MKI67: variants seen among roughly 807,000 people sequenced by gnomAD.
MKI67 encodes marker of proliferation Ki-67, also known as proliferation marker protein Ki-67.
A neutral mutation model predicts 233.5 loss-of-function variants in MKI67; 152 were observed. The ratio of observed to expected loss-of-function variants is 0.65; its 90% confidence interval spans 0.57 to 0.74. The LOEUF (loss-of-function observed/expected upper bound fraction) is 0.74, where lower values mean the gene tolerates loss of function less well. Among genes scored for constraint, MKI67 ranks in the 30% least tolerant of loss-of-function variants. MKI67 has a pLI of 0.00. For synonymous variants in MKI67, 1,465 were observed against 1,418.5 expected (o/e 1.03, Z -0.74); for missense variants, 3,940 against 3,885.2 (o/e 1.01, Z -0.37).
rs1853032874 is a variant in MKI67, at chr10:128,125,357, G to T, written c.92+219C>A. On this transcript the variant is annotated intron_variant, in intron 2 of 14. Transcript: ENST00000368654. This position sits in a 1 kb window ranked among gnomAD's most constrained non-coding sequence, Gnocchi z 5.3. ...ATTAGCAAATCGATTTTTTTAATTG[G>T]CTTGATTTTTAAAACCACTTAAACA... is the stretch of plus-strand genomic sequence containing the variant. 6.6e-6 allele frequency among the ~76,000 whole-genome samples: 1 copy of T among 151,966 alleles called. No individual in the cohort carries two copies. Among genetic ancestry groups the T allele is most frequent in the Admixed American group, 6.6e-5 (1 of 15,250 alleles).
rs1852601018 is a variant in MKI67 at position 128,108,907 on chromosome 10, T to C, written c.2933A>G (p.Asp978Gly). 1.9e-6 allele frequency: 3 copies of C among 1,614,110 alleles called. No homozygotes were observed. Among genetic ancestry groups the C allele is most frequent in the Non-Finnish European group, 2.5e-6 (3 of 1,180,048 alleles). Residue 978 changes from aspartate (D) to glycine (G), a missense_variant, in exon 13 of 15, where the codon GAC becomes GGC. Asp to Gly is a moderately conservative substitution (Grantham distance 94). Transcript: ENST00000368654. The stretch of plus-strand genomic sequence containing the variant: ...GAGGAGATTCTGGCCACGTGCCGTG[T>C]CTTTCATGAGTTCTGTATCAGGCAA... Reference protein sequence around the residue: ...KSLPDTELMKDTARGQNLLQT... With the variant: ...KSLPDTELMKGTARGQNLLQT...
Position 128,108,568 on chromosome 10 carries a change from G to A in MKI67, c.3272C>T (p.Thr1091Met), listed in dbSNP as rs143952665. The A allele has an allele frequency of 2.7e-4, 437 of 1,614,172 alleles. 3 individuals are homozygous for A. Among genetic ancestry groups the A allele is most frequent in the South Asian group, 2.0e-3 (184 of 91,084 alleles). ...RVTGMKKWPRTPKEEAQSLED... is the reference protein window; with the variant it reads ...RVTGMKKWPRMPKEEAQSLED... Reference sequence around the variant, plus strand: ...TAGTGACTGGGCCTCTTCCTTAGGCGTTCTTGGCCACTTCTTCATTCCAGT... The same window carrying A: ...TAGTGACTGGGCCTCTTCCTTAGGCATTCTTGGCCACTTCTTCATTCCAGT... Residue 1091 changes from threonine to methionine, a missense_variant, in exon 13 of 15, where the codon ACG becomes ATG. Coordinates refer to ENST00000368654, the MANE Select transcript of MKI67 (RefSeq NM_002417.5).
intron 14 of MKI67, among the ~76,000 whole-genome samples, chr10:128,099,706 C>T (rs35324659): frequency 6.6e-6 from 1 of 152,208 alleles, no homozygotes; most frequent in African/African-American, 2.4e-5. Flanking sequence ...CAGTAGTTCT[C>T]ACCCCTTGGC....
In MKI67 at chr10:128,109,311, T is replaced by C; in HGVS notation, c.2529A>G (p.Lys843=). The C allele has an allele frequency of 5.0e-6, 8 of 1,614,180 alleles. No individual in the cohort carries two copies. Among genetic ancestry groups the C allele is most frequent in the Non-Finnish European group, 6.8e-6 (8 of 1,180,028 alleles). The stretch of plus-strand genomic sequence containing the variant: ...TCATTTTGTAGGTGTTCCTGGGCGT[T>C]TTTGCTACGTTTCCATTTTCTCTAA... The part of the protein sequence containing the change: ...QCIRENGNVA[K]TPRNTYKMTS... The change falls in exon 13 of 15, where the codon AAA becomes AAG. Residue 843 remains lysine (K), a synonymous_variant. Transcript: ENST00000368654.
intron 12 of MKI67, 85 bp from the exon 13 acceptor site, chr10:128,109,508 A>C (rs971263698): frequency 1.3e-5 from 18 of 1,438,686 alleles, no homozygotes; most frequent in Non-Finnish European, 4.7e-6. Flanking sequence ...TATGGTAAAA[A>C]ACTAAATATT....
At chr10:128,122,018 A>G (rs1168195393) in intron 4 of MKI67, among the ~76,000 whole-genome samples, 1 of 152,204 alleles carries the variant, frequency 6.6e-6, no homozygotes, top group Non-Finnish European at 1.5e-5. Context: ...AAAAGCCAAA[A>G]CGGTGGTTTA....
At position 128,115,443 on chromosome 10, in the gene MKI67, T is replaced by C. The variant is rs1852780452; in HGVS notation, c.965A>G (p.Asp322Gly). The C allele has an allele frequency of 9.9e-6, 16 of 1,613,778 alleles. No individual in the cohort carries two copies. The highest frequency in any genetic ancestry group is 1.4e-5 in the Non-Finnish European group (16 of 1,179,920). Residue 322 changes from aspartate to glycine, a missense_variant, in exon 7 of 15, where the codon GAC (aspartate) becomes GGC (glycine). Coordinates refer to ENST00000368654, the MANE Select transcript of MKI67 (RefSeq NM_002417.5). Reference protein sequence around the residue: ...ELDQNKGKGRDVESVQTPSKA... With the variant: ...ELDQNKGKGRGVESVQTPSKA... ...GCTGGGAGTCTGAACAGACTCCACG[T>C]CTCTTCCCTTCCCCTTGTTCTGGTC...
At chr10:128,118,951 A>G (rs568891362) in intron 5 of MKI67, among the ~76,000 whole-genome samples, 14 of 152,334 alleles carry the variant, frequency 9.2e-5, no homozygotes, top group Non-Finnish European at 1.6e-4. Flanking sequence ...TGTTAGCTCT[A>G]CGTGTTGGGG....
At chr10:128,114,303 T>C (rs1233371828) in intron 7 of MKI67, among the ~76,000 whole-genome samples, 2 of 152,144 alleles carry the variant, frequency 1.3e-5, no homozygotes, top group African/African-American at 4.8e-5. Context: ...GCTATAAAGG[T>C]CCTACCTCTG....
Position 128,126,220 on chromosome 10 carries a change from G to T in MKI67, c.-211C>A, listed in dbSNP as rs1042879280. On this transcript the variant is annotated 5_prime_UTR_variant, in exon 1 of 15. Coordinates refer to ENST00000368654, the MANE Select transcript of MKI67 (RefSeq NM_002417.5). ...CCGCCCGGTAAGCTGCGCCCGCCAC[G>T]CTCCGCACACACCGGGCCGCAGCCC... The T allele has an allele frequency of 2.6e-5, 4 of 155,690 alleles. No homozygotes were observed. The South Asian group carries it at 7.5e-4, about 29-fold the overall frequency. The allele number at this position is 155,690 out of a possible 1,614,324, so 9.6% of individuals were successfully genotyped here.
In MKI67 at chr10:128,107,207, C is replaced by A; in HGVS notation, c.4633G>T (p.Val1545Leu). ...GCGTAGATGTTTTTCTCACCACTTA[C>A]TGCTGGTTTGGGTGTGTGCATGGCT... ...GKAMHTPKPAVSGEKNIYAFM... is the reference protein window; with the variant it reads ...GKAMHTPKPALSGEKNIYAFM... The change falls in exon 13 of 15, where the codon GTA becomes TTA. Residue 1545 changes from valine (V) to leucine (L), a missense_variant. Coordinates refer to ENST00000368654, the MANE Select transcript of MKI67 (RefSeq NM_002417.5). 6.2e-7 allele frequency: 1 copy of A among 1,614,106 alleles called. No individual in the cohort carries two copies. Among genetic ancestry groups the A allele is most frequent in the South Asian group, 1.1e-5 (1 of 91,076 alleles).
Position 128,108,868 on chromosome 10 carries a change from T to C in MKI67, c.2972A>G (p.His991Arg). The stretch of plus-strand genomic sequence containing the variant: ...TTTCTCACTCTTTGGTGCCTTGGCA[T>C]GATCTTGGGTTTGGAGGAGATTCTG... ...RGQNLLQTQDHAKAPKSEKGK... is the reference protein window; with the variant it reads ...RGQNLLQTQDRAKAPKSEKGK... The change falls in exon 13 of 15, where the codon CAT becomes CGT. Residue 991 changes from histidine to arginine, a missense_variant. Physicochemically the swap from His to Arg is conservative, Grantham distance 29. Coordinates refer to ENST00000368654, the MANE Select transcript of MKI67 (RefSeq NM_002417.5). 1 of 1,614,214 alleles carries C rather than the reference T, an allele frequency of 6.2e-7. No individual in the cohort carries two copies.
At position 128,101,405 on chromosome 10, in the gene MKI67, C is replaced by T. The variant is rs2136124175; in HGVS notation, c.9558G>A (p.Gln3186=). 1 of 1,614,218 alleles carries T rather than the reference C, an allele frequency of 6.2e-7. No homozygotes were observed. Reference sequence around the variant, plus strand: ...AATTTCCTGCTTCTCCTTTCCCTTTCTGATTCTGCATGAGAACCTTCGCAC... The same window carrying T: ...AATTTCCTGCTTCTCCTTTCCCTTTTTGATTCTGCATGAGAACCTTCGCAC... ...QKSAKVLMQN[Q]KGKGEAGNSD... is the part of the protein sequence containing the mutation. The change falls in exon 14 of 15, where the codon CAG becomes CAA. Residue 3186 remains glutamine, a synonymous_variant. Transcript: ENST00000368654.
chr10:128,125,657 G>A lies in MKI67; in HGVS notation c.11C>T (p.Thr4Met), dbSNP rs1853040060. MWP[T>M]RRLVTIKRSG... is the part of the protein sequence containing the mutation. Reference sequence around the variant, plus strand: ...CCTTTTGATAGTAACCAGGCGTCTCGTGGGCCACATTTTCTAAACAGTAAG... The same window carrying A: ...CCTTTTGATAGTAACCAGGCGTCTCATGGGCCACATTTTCTAAACAGTAAG... Residue 4 changes from threonine to methionine, a missense_variant, in exon 2 of 15, where the codon ACG becomes ATG. Coordinates refer to ENST00000368654, the MANE Select transcript of MKI67 (RefSeq NM_002417.5). This position sits in a 1 kb window ranked among gnomAD's most constrained non-coding sequence, Gnocchi z 5.3. 6.2e-7 allele frequency: 1 copy of A among 1,613,732 alleles called. No individual in the cohort carries two copies. Among genetic ancestry groups the A allele is most frequent in the African/African-American group, 1.3e-5 (1 of 74,910 alleles).
In MKI67 at chr10:128,104,352, T is replaced by C. The variant is rs1590296715; in HGVS notation, c.7488A>G (p.Leu2496=). The C allele has an allele frequency of 6.2e-7, 1 of 1,614,218 alleles. No individual in the cohort carries two copies. Among genetic ancestry groups the C allele is most frequent in the African/African-American group, 1.3e-5 (1 of 75,062 alleles). Residue 2496 remains leucine (L), a synonymous_variant, in exon 13 of 15, where the codon CTA becomes CTG. Transcript: ENST00000368654. Reference sequence around the variant, plus strand: ...ATGTCCGTGTGAGCTTGCTGACTGCTAGGGGCTCTTCTTTCATGTCCACTT... The same window carrying C: ...ATGTCCGTGTGAGCTTGCTGACTGCCAGGGGCTCTTCTTTCATGTCCACTT... ...LVKVDMKEEP[L]AVSKLTRTSG...
intron 13 of MKI67, 133 bp from the exon 14 acceptor site, chr10:128,101,834 A>G: frequency 2.8e-6 from 2 of 720,830 alleles, no homozygotes; most frequent in Non-Finnish European, 4.5e-6. Flanking sequence ...GAATTGTCTA[A>G]GAGACTTGTC....
chr10:128,117,033 A>AT (rs1466438626), intron 5 of MKI67, among the ~76,000 whole-genome samples: 1 of 152,250 alleles, frequency 6.6e-6, no homozygotes, highest in African/African-American at 2.4e-5. Context: ...AAAAGTACTT[A>AT]TTAGCTGACT....
In MKI67 at chr10:128,125,479, G is replaced by A. The variant is rs1322075212; in HGVS notation, c.92+97C>T. The A allele has an allele frequency of 1.1e-6, 1 of 917,046 alleles. No individual in the cohort carries two copies. The highest frequency in any genetic ancestry group is 1.8e-6 in the Non-Finnish European group (1 of 563,466). The allele number at this position is 917,046 out of a possible 1,614,324, so 56.8% of individuals were successfully genotyped here. On this transcript the variant is annotated intron_variant, in intron 2 of 14. Coordinates refer to ENST00000368654, the MANE Select transcript of MKI67 (RefSeq NM_002417.5). This position sits in a 1 kb window ranked among gnomAD's most constrained non-coding sequence, Gnocchi z 5.3. ...GAAGCACCAAGGAAAAGTGACGGCA[G>A]GACCCAATCCTAGAGCGCGTTTCTG...
rs1358678369 is a variant in MKI67 at position 128,109,177 on chromosome 10, G to A, written c.2663C>T (p.Pro888Leu). ...STEFRNIQKL[P>L]VESKSEETNT... ...TGTTTCTTCACTCTTACTTTCCACAGGTAGCTTCTGTATATTCCTGAACTC... is the reference window on the plus strand; with the variant it reads ...TGTTTCTTCACTCTTACTTTCCACAAGTAGCTTCTGTATATTCCTGAACTC... Residue 888 changes from proline (P) to leucine (L), a missense_variant, in exon 13 of 15, where the codon CCT becomes CTT. Transcript: ENST00000368654. 1.2e-6 allele frequency: 2 copies of A among 1,613,978 alleles called. No individual in the cohort carries two copies. Among genetic ancestry groups the A allele is most frequent in the African/African-American group, 2.7e-5 (2 of 74,886 alleles).
Sources: gnomAD v4.1 joint callset for allele counts (sites outside exome capture counted in the v4.1 genomes callset) on GRCh38, gnomAD v4.1.1 for gene constraint, Gnocchi (gnomAD v3.1) non-coding constraint, MANE v1.5 for transcripts, NCBI Gene and HGNC (gene_info 2026-07-23, HGNC 2026-07-21) for gene names.